RAB2A: variants seen among roughly 807,000 people sequenced by gnomAD.
RAB2A encodes ras-related protein Rab-2A.
In RAB2A, 7 loss-of-function variants were observed where a neutral mutation model predicts 32.5. The observed-to-expected ratio is 0.22, with a 90% CI of 0.12 to 0.40. The LOEUF (loss-of-function observed/expected upper bound fraction) is 0.40, where lower values mean the gene tolerates loss of function less well. Among genes scored for constraint, RAB2A ranks in the 10% least tolerant of loss-of-function variants. The pLI, the probability that RAB2A is intolerant of heterozygous loss-of-function variation, is 1.00. For synonymous variants in RAB2A, 79 were observed against 85.2 expected (o/e 0.93, Z 0.40); for missense variants, 108 against 260.7 (o/e 0.41, Z 4.03).
chr8:60,541,820 T>G, intron 1 of RAB2A, among the ~76,000 whole-genome samples: 1 of 152,120 alleles, frequency 6.6e-6, no homozygotes, highest in East Asian at 1.9e-4. Context: ...GAAACACAGG[T>G]CTAGATTTGG....
chr8:60,546,598 CTTT>C (rs1563465031), intron 1 of RAB2A, among the ~76,000 whole-genome samples: 1 of 152,116 alleles, frequency 6.6e-6, no homozygotes, highest in Non-Finnish European at 1.5e-5. Flanking sequence ...GGATTTTTGT[CTTT>C]GTTTGTTTAA....
intron 2 of RAB2A, among the ~76,000 whole-genome samples, chr8:60,560,637 C>T (rs1300925632): frequency 6.6e-6 from 1 of 152,156 alleles, no homozygotes; most frequent in African/African-American, 2.4e-5. Context: ...TTAAGCCCAG[C>T]GTGTCCAACC....
intron 1 of RAB2A, among the ~76,000 whole-genome samples, chr8:60,542,404 A>G (rs552469193): frequency 2.5e-4 from 38 of 152,304 alleles, no homozygotes; most frequent in African/African-American, 9.1e-4. Flanking sequence ...AGTCCCAGCT[A>G]CTTGGGAGCT....
intron 6 of RAB2A, among the ~76,000 whole-genome samples, chr8:60,611,739 A>C (rs150861456): frequency 3.3e-5 from 5 of 152,320 alleles, no homozygotes; most frequent in African/African-American, 1.2e-4. Flanking sequence ...TTTGAATATA[A>C]ATAAGCATTC....
intron 2 of RAB2A, among the ~76,000 whole-genome samples, chr8:60,565,698 T>A: frequency 3.1e-5 from 1 of 31,804 alleles, no homozygotes; most frequent in African/African-American, 2.9e-4. Flanking sequence ...TTTTTTTTTT[T>A]TTTTTTTTTT....
chr8:60,532,928 A>G (rs1043577014), intron 1 of RAB2A, among the ~76,000 whole-genome samples: 18 of 152,242 alleles, frequency 1.2e-4, no homozygotes, highest in African/African-American at 4.1e-4. Context: ...GATATTAGCA[A>G]CAACTTGGAC....
intron 6 of RAB2A, among the ~76,000 whole-genome samples, chr8:60,599,539 TAGCC>T (rs1234110662): frequency 1.3e-5 from 2 of 152,190 alleles, no homozygotes; most frequent in African/African-American, 4.8e-5. Flanking sequence ...AAGTTTTGCT[TAGCC>T]AGTCATCAGG....
At chr8:60,564,831 T>A (rs1037676806) in intron 2 of RAB2A, among the ~76,000 whole-genome samples, 1 of 152,252 alleles carries the variant, frequency 6.6e-6, no homozygotes, top group African/African-American at 2.4e-5. Flanking sequence ...TGTTTATTGC[T>A]GTATCTGCAC....
At chr8:60,541,605 C>G (rs975102190) in intron 1 of RAB2A, among the ~76,000 whole-genome samples, 7 of 152,178 alleles carry the variant, frequency 4.6e-5, no homozygotes, top group African/African-American at 1.4e-4. Flanking sequence ...AGGAGAAGTG[C>G]TTGAACCCAG....
At chr8:60,565,008 C>T (rs1486461986) in intron 2 of RAB2A, among the ~76,000 whole-genome samples, 1 of 152,218 alleles carries the variant, frequency 6.6e-6, no homozygotes, top group Non-Finnish European at 1.5e-5. Flanking sequence ...CCACTAATTC[C>T]CACTACATTT....
chr8:60,526,056 T>TATATATATA (rs1372267520), intron 1 of RAB2A, among the ~76,000 whole-genome samples: 1,949 of 125,366 alleles, frequency 0.016, 83 homozygotes, highest in East Asian at 0.036. Flanking sequence ...TATATATATA[T>TATATATATA]AAGTTTTCTG....
intron 3 of RAB2A, among the ~76,000 whole-genome samples, chr8:60,575,026 C>A (rs1239616505): frequency 6.7e-6 from 1 of 148,652 alleles, no homozygotes; most frequent in Non-Finnish European, 1.5e-5. Flanking sequence ...TAACTTATTT[C>A]TTTTGGAGGT....
rs1461035357 is a variant in RAB2A at position 60,623,558 on chromosome 8, CT to C, written c.*2790del. On this transcript the variant is annotated 3_prime_UTR_variant, in exon 8 of 8. Coordinates refer to ENST00000262646, the MANE Select transcript of RAB2A (RefSeq NM_002865.3). Reference sequence around the variant, plus strand: ...TATACAAATAGGTAAACCAGCATATCTACCTGTATTTCTCAGAGTTTAGATG... The same window carrying C: ...TATACAAATAGGTAAACCAGCATATCACCTGTATTTCTCAGAGTTTAGATG... The C allele has an allele frequency of 1.3e-5, 2 of 152,178 alleles. No individual in the cohort carries two copies. Among genetic ancestry groups the C allele is most frequent in the African/African-American group, 2.4e-5 (1 of 41,460 alleles). The allele number at this position is 152,178 out of a possible 1,614,324, so 9.4% of individuals were successfully genotyped here. A position where few individuals can be genotyped will look rare whatever the true frequency, so the allele number is the denominator to read the frequency against.
At chr8:60,584,335 T>C in intron 4 of RAB2A, 45 bp downstream of exon 4, 1 of 1,458,860 alleles carries the variant, frequency 6.9e-7, no homozygotes, top group Non-Finnish European at 9.6e-7. Flanking sequence ...ATACAGAGAA[T>C]TTTTCTAAAT....
At chr8:60,521,200 T>A (rs1158383173) in intron 1 of RAB2A, among the ~76,000 whole-genome samples, 1 of 152,200 alleles carries the variant, frequency 6.6e-6, no homozygotes, top group Non-Finnish European at 1.5e-5. Context: ...GTGTCAGATT[T>A]ATTTAATAGT....
intron 1 of RAB2A, chr8:60,558,519 C>A: frequency 2.0e-6 from 1 of 493,210 alleles, no homozygotes; most frequent in South Asian, 1.5e-5. Flanking sequence ...TTCACTGTAA[C>A]ACAAAAAACA....
chr8:60,568,867 CAATT>C (rs1178639555), intron 2 of RAB2A, among the ~76,000 whole-genome samples: 2 of 151,794 alleles, frequency 1.3e-5, no homozygotes, highest in African/African-American at 4.8e-5. Flanking sequence ...TAGAGAATAA[CAATT>C]TATCACATAA....
intron 6 of RAB2A, among the ~76,000 whole-genome samples, chr8:60,616,654 T>G (rs1804453523): frequency 6.6e-6 from 1 of 152,276 alleles, no homozygotes; most frequent in African/African-American, 2.4e-5. Flanking sequence ...GCGTCCTAAG[T>G]GCCTTGTGAA....
At chr8:60,567,379 T>A (rs949377401) in intron 2 of RAB2A, among the ~76,000 whole-genome samples, 1 of 152,072 alleles carries the variant, frequency 6.6e-6, no homozygotes, top group Non-Finnish European at 1.5e-5. Context: ...CTCTCACATC[T>A]TTTTTTCTAT....
Sources: allele counts gnomAD v4.1 joint callset (sites outside exome capture counted in the v4.1 genomes callset), GRCh38; gene constraint gnomAD v4.1.1; transcripts MANE v1.5; gene names NCBI Gene and HGNC (gene_info 2026-07-23, HGNC 2026-07-21).